ABCA7: variants seen among roughly 807,000 people sequenced by gnomAD.
ABCA7 encodes ATP binding cassette subfamily A member 7, also known as phospholipid-transporting ATPase ABCA7.
ABCA7 carries 261 observed loss-of-function variants against 227.6 expected under a neutral mutation model. The observed-to-expected ratio is 1.15, with a 90% CI of 1.04 to 1.27. The LOEUF is 1.27. Ranked by LOEUF, ABCA7 falls within the 50% of genes most tolerant of loss-of-function variation. The pLI is 0.00. For missense variants in ABCA7, 3,331 were observed against 2,924.5 expected, an observed-to-expected ratio of 1.14 and a Z score of -3.21; for synonymous variants, 1,488 against 1,279.7, an observed-to-expected ratio of 1.16 and a Z score of -3.47.
At position 1,063,534 on chromosome 19, in the gene ABCA7, C is replaced by T. The variant is rs757474701; in HGVS notation, c.5713-10C>T. The T allele has an allele frequency of 6.2e-7, 1 of 1,609,820 alleles. No homozygotes were observed. On this transcript the variant is annotated splice_polypyrimidine_tract_variant and intron_variant, in intron 42 of 46. Coordinates refer to ENST00000263094, the MANE Select transcript of ABCA7 (RefSeq NM_019112.4). ...TGAGTCCCCATGCCTACTCTGGCCC[C>T]ACCCCACAGACCGCTGGCTCGGGCC...
At position 1,053,722 on chromosome 19, in the gene ABCA7, G is replaced by A. The variant is rs957482122; in HGVS notation, c.3424-66G>A. On this transcript the variant is annotated intron_variant, in intron 24 of 46. Coordinates refer to ENST00000263094, the MANE Select transcript of ABCA7 (RefSeq NM_019112.4). Reference sequence around the variant, plus strand: ...GGGACCCATGGTGTAGGAGGGGTGGGGGGCTCACAAGCCCCCAGTTCTCCC... The same window carrying A: ...GGGACCCATGGTGTAGGAGGGGTGGAGGGCTCACAAGCCCCCAGTTCTCCC... The A allele has an allele frequency of 1.5e-5, 23 of 1,568,980 alleles. No individual in the cohort carries two copies. The African/African-American group carries it at 2.0e-4, about 14-fold the overall frequency.
At position 1,055,218 on chromosome 19, in the gene ABCA7, G is replaced by A. The variant is rs777731564; in HGVS notation, c.4072G>A (p.Asp1358Asn). ...SRPGARRLLP[D>N]CPAAAGGPPP... ...GCCCGGTGCCCGGCGCCTGCTGCCC[G>A]ACTGCCCGGCTGCAGCTGGTGGTCC... is the stretch of plus-strand genomic sequence containing the variant. The change falls in exon 30 of 47, where the codon GAC becomes AAC. Residue 1358 changes from aspartate (D) to asparagine (N), a missense_variant. By Grantham distance (23) the Asp-to-Asn change is conservative. Transcript: ENST00000263094. The A allele has an allele frequency of 1.6e-5, 25 of 1,608,050 alleles. No homozygotes were observed. The highest frequency in any genetic ancestry group is 1.6e-4 in the Middle Eastern group (1 of 6,062).
chr19:1,058,508 G>T, intron 37 of ABCA7, 110 bp from the exon 38 acceptor site: 14 of 1,528,062 alleles, frequency 9.2e-6, no homozygotes, highest in Non-Finnish European at 1.2e-5. Flanking sequence ...CAGCTGAGTG[G>T]CCTATCCAAT....
chr19:1,055,477 G>A (rs2042164769), intron 30 of ABCA7, 126 bp downstream of exon 30: 5 of 912,992 alleles, frequency 5.5e-6, no homozygotes, highest in Non-Finnish European at 7.8e-6. Flanking sequence ...CGGGCTGGGA[G>A]TCTCGCGTAC....
chr19:1,047,696 CT>C, intron 16 of ABCA7, 42 bp downstream of exon 16: 1 of 1,528,816 alleles, frequency 6.5e-7, no homozygotes, highest in Non-Finnish European at 8.8e-7. Context: ...GTCGCACCTG[CT>C]TTGCGGGAGG....
chr19:1,046,777 T>G, intron 13 of ABCA7, 25 bp from the exon 14 acceptor site: 1 of 1,531,928 alleles, frequency 6.5e-7, no homozygotes, highest in Non-Finnish European at 8.7e-7. Flanking sequence ...GTCTCCAGCC[T>G]CCACCCCAGC....
rs1599674192 is a variant in ABCA7 at position 1,054,472 on chromosome 19, A to G, written c.3727-98A>G. On this transcript the variant is annotated intron_variant, in intron 27 of 46. Coordinates refer to ENST00000263094, the MANE Select transcript of ABCA7 (RefSeq NM_019112.4). This position sits in a 1 kb window ranked among gnomAD's most constrained non-coding sequence, Gnocchi z 4.8. Reference sequence around the variant, plus strand: ...AACCCAAAGCACATTTATTGAGGGCACTGGGGAGCCATGGGTGGTTGTAGA... The same window carrying G: ...AACCCAAAGCACATTTATTGAGGGCGCTGGGGAGCCATGGGTGGTTGTAGA... 10 of 1,566,244 alleles carry G rather than the reference A, an allele frequency of 6.4e-6. No individual in the cohort carries two copies. The highest frequency in any genetic ancestry group is 2.3e-5 in the East Asian group (1 of 44,202).
chr19:1,050,797 T>TAAC (rs2041526799), intron 18 of ABCA7, 124 bp from the exon 19 acceptor site: 1 of 194,182 alleles, frequency 5.1e-6, no homozygotes, highest in African/African-American at 3.4e-5. Flanking sequence ...ATAATAATAA[T>TAAC]AATAATAATA....
chr19:1,051,552 C>G lies in ABCA7; in HGVS notation c.2928C>G (p.Arg976=). ...CTGGCGTGGATCCTGCTTCCCGCCG[C>G]GGTATTTGGGAGCTGCTGCTCAAAT... The part of the protein sequence containing the change: ...PTAGVDPASR[R]GIWELLLKYR... The change falls in exon 21 of 47, where the codon CGC becomes CGG. Residue 976 remains arginine, a synonymous_variant. Transcript: ENST00000263094. 6.2e-7 allele frequency: 1 copy of G among 1,612,552 alleles called. No individual in the cohort carries two copies. Among genetic ancestry groups the G allele is most frequent in the Non-Finnish European group, 8.5e-7 (1 of 1,179,860 alleles).
intron 15 of ABCA7, 31 bp from the exon 16 acceptor site, chr19:1,047,422 G>A (rs1294803466): frequency 1.3e-6 from 2 of 1,538,164 alleles, no homozygotes; most frequent in Non-Finnish European, 8.7e-7. Flanking sequence ...CCCCCGCTTC[G>A]GCCGCTCACT....
In ABCA7 at chr19:1,065,094, G is replaced by C; in HGVS notation, c.6208G>C (p.Val2070Leu). The change falls in exon 46 of 47, where the codon GTC (valine) becomes CTC (leucine). Residue 2070 changes from valine (V) to leucine (L), a missense_variant. Val to Leu is a conservative substitution (Grantham distance 32, BLOSUM62 1). Coordinates refer to ENST00000263094, the MANE Select transcript of ABCA7 (RefSeq NM_019112.4). Reference protein sequence around the residue: ...PPGGRCALARVFGELAVHGAE... With the variant: ...PPGGRCALARLFGELAVHGAE... Reference sequence around the variant, plus strand: ...GGGAGGGCGCTGCGCCCTGGCGCGCGTCTTTGGAGAGCTGGCGGTGCACGG... The same window carrying C: ...GGGAGGGCGCTGCGCCCTGGCGCGCCTCTTTGGAGAGCTGGCGGTGCACGG... The C allele has an allele frequency of 6.3e-7, 1 of 1,579,616 alleles. No homozygotes were observed.
rs149897784 is a variant in ABCA7 at position 1,045,106 on chromosome 19, C to T, written c.1320C>T (p.Phe440=). The T allele has an allele frequency of 6.2e-7, 1 of 1,613,022 alleles. No homozygotes were observed. The highest frequency in any genetic ancestry group is 1.7e-5 in the Admixed American group (1 of 60,018). The change falls in exon 12 of 47, where the codon TTC becomes TTT. Residue 440 remains phenylalanine, a synonymous_variant. Transcript: ENST00000263094. The stretch of plus-strand genomic sequence containing the variant: ...ATCGATTCTGGGCCGGCGTCGTCTT[C>T]TTGGGACCTGAGGACTCTTCAGACC... ...AEHRFWAGVV[F]LGPEDSSDPT...
At chr19:1,062,702 C>A (rs4147923) in intron 42 of ABCA7, among the ~76,000 whole-genome samples, 1 of 151,062 alleles carries the variant, frequency 6.6e-6, no homozygotes, top group Non-Finnish European at 1.5e-5. Context: ...CAGTTTGCAG[C>A]CGTTTCACTG....
intron 40 of ABCA7, 70 bp from the exon 41 acceptor site, chr19:1,061,712 A>G (rs2042666634): frequency 1.4e-6 from 2 of 1,449,984 alleles, no homozygotes; most frequent in Non-Finnish European, 9.3e-7. Flanking sequence ...AAAAAAAAAA[A>G]AAAGAAATCA....
chr19:1,050,979 G>C lies in ABCA7; in HGVS notation c.2611G>C (p.Asp871His), dbSNP rs139251928. ...TGGCTCTGCCTTCATCCTGGGCCAC[G>C]ACGTCCGCTCCAGCATGGCCGCCAT... Reference protein sequence around the residue: ...SGGSAFILGHDVRSSMAAIRP... With the variant: ...SGGSAFILGHHVRSSMAAIRP... Residue 871 changes from aspartate to histidine, a missense_variant, in exon 19 of 47, where the codon GAC becomes CAC. Asp to His is a moderately conservative substitution (Grantham distance 81, BLOSUM62 -1). Coordinates refer to ENST00000263094, the MANE Select transcript of ABCA7 (RefSeq NM_019112.4). The C allele has an allele frequency of 2.2e-4, 357 of 1,612,188 alleles. 1 individual carries two copies. The African/African-American group carries it at 3.7e-3, about 17-fold the overall frequency.
intron 45 of ABCA7, chr19:1,064,604 A>C: frequency 1.0e-5 from 4 of 393,110 alleles, no homozygotes; most frequent in Non-Finnish European, 1.4e-5. Context: ...GGGGGTATTT[A>C]TTGTGTGGGC....
Position 1,057,088 on chromosome 19 carries a change from C to A in ABCA7, c.4764+4C>A, listed in dbSNP as rs202129201. The stretch of plus-strand genomic sequence containing the variant: ...TGGCAACTTTCTCTGGGACATGGTG[C>A]GGGGGCTGCTTGGACGGGTGGGGGC... On this transcript the variant is annotated splice_donor_region_variant and intron_variant, in intron 34 of 46. Transcript: ENST00000263094. 15 of 1,609,176 alleles carry A rather than the reference C, an allele frequency of 9.3e-6. No individual in the cohort carries two copies. The highest frequency in any genetic ancestry group is 1.2e-5 in the Non-Finnish European group (14 of 1,177,690).
intron 42 of ABCA7, among the ~76,000 whole-genome samples, chr19:1,062,694 G>A (rs981260625): frequency 1.3e-4 from 19 of 151,842 alleles, no homozygotes; most frequent in East Asian, 3.9e-4. Flanking sequence ...GCCGTTCCCA[G>A]TTTGCAGCCG....
In ABCA7 at chr19:1,054,597, C is replaced by T; in HGVS notation, c.3754C>T (p.Leu1252=). 6.2e-7 allele frequency: 1 copy of T among 1,612,520 alleles called. No homozygotes were observed. Among genetic ancestry groups the T allele is most frequent in the Non-Finnish European group, 8.5e-7 (1 of 1,179,558 alleles). ...QIVLPALFVG[L]ALVFSLIVPP... ...CGTGCTGCCTGCCCTCTTTGTGGGCCTGGCCCTCGTGTTCAGCCTCATCGT... is the reference window on the plus strand; with the variant it reads ...CGTGCTGCCTGCCCTCTTTGTGGGCTTGGCCCTCGTGTTCAGCCTCATCGT... Residue 1252 remains leucine (L), a synonymous_variant, in exon 28 of 47, where the codon CTG becomes TTG. Coordinates refer to ENST00000263094, the MANE Select transcript of ABCA7 (RefSeq NM_019112.4). The surrounding 1 kb of genome is among the most constrained non-coding windows in gnomAD (Gnocchi z 4.8).
Sources: gnomAD v4.1 joint callset for allele counts (sites outside exome capture counted in the v4.1 genomes callset) on GRCh38, gnomAD v4.1.1 for gene constraint, Gnocchi (gnomAD v3.1) non-coding constraint, MANE v1.5 for transcripts, NCBI Gene and HGNC (gene_info 2026-07-23, HGNC 2026-07-21) for gene names.